GNG12: variants seen among roughly 807,000 people sequenced by gnomAD.
GNG12 encodes G protein subunit gamma 12.
For synonymous variants in GNG12, 28 were observed against 29.7 expected (o/e 0.94, Z 0.19); for missense variants, 69 against 83.8 (o/e 0.82, Z 0.69).
At chr1:67,710,140 A>AGT (rs1646284157) in intron 2 of GNG12, among the ~76,000 whole-genome samples, 2 of 6,032 alleles carry the variant, frequency 3.3e-4, no homozygotes, top group African/African-American at 5.8e-4. Context: ...ATATATAGTT[A>AGT]TATATATATA....
intron 2 of GNG12, among the ~76,000 whole-genome samples, chr1:67,717,041 T>C (rs1646329404): frequency 6.6e-6 from 1 of 152,054 alleles, no homozygotes; most frequent in Non-Finnish European, 1.5e-5. Flanking sequence ...CTGGGGCACT[T>C]GTTTAAGAAA....
At chr1:67,729,280 C>A (rs141762977) in intron 2 of GNG12, among the ~76,000 whole-genome samples, 140 of 152,308 alleles carry the variant, frequency 9.2e-4, no homozygotes, top group African/African-American at 3.2e-3. Context: ...TCCTGGGGAC[C>A]TGTCTGTGAG....
chr1:67,750,293 G>A (rs1646531127), intron 2 of GNG12, among the ~76,000 whole-genome samples: 1 of 152,158 alleles, frequency 6.6e-6, no homozygotes, highest in South Asian at 2.1e-4. Flanking sequence ...AACGAACAGG[G>A]AACATGTTCT....
At chr1:67,798,558 C>A (rs765462582) in intron 1 of GNG12, among the ~76,000 whole-genome samples, 1 of 152,114 alleles carries the variant, frequency 6.6e-6, no homozygotes, top group Admixed American at 6.5e-5. Context: ...TCTGCCACCC[C>A]GAGACAGCGA....
At chr1:67,763,573 C>T (rs1279869056) in intron 2 of GNG12, among the ~76,000 whole-genome samples, 1 of 151,588 alleles carries the variant, frequency 6.6e-6, no homozygotes, top group African/African-American at 2.4e-5. Flanking sequence ...CACTCTGTCA[C>T]CCAAGTTAGA....
intron 3 of GNG12, among the ~76,000 whole-genome samples, chr1:67,707,259 A>G (rs995037306): frequency 6.6e-6 from 1 of 152,228 alleles, no homozygotes; most frequent in African/African-American, 2.4e-5. Context: ...TTCCAAAGGA[A>G]TGACTAGGGT....
chr1:67,717,513 CAAA>C (rs1205936941), intron 2 of GNG12, among the ~76,000 whole-genome samples: 5 of 104,198 alleles, frequency 4.8e-5, no homozygotes, highest in Admixed American at 1.0e-4. Context: ...GAGACTCTGT[CAAA>C]AAAAAAAAAA....
At chr1:67,729,088 C>T (rs1014953966) in intron 2 of GNG12, among the ~76,000 whole-genome samples, 6 of 151,904 alleles carry the variant, frequency 3.9e-5, no homozygotes, top group Admixed American at 6.5e-5. Flanking sequence ...CCCTTGGGCA[C>T]GTTCTTCACA....
At chr1:67,761,676 C>T (rs7534808) in intron 2 of GNG12, among the ~76,000 whole-genome samples, 2,456 of 152,198 alleles carry the variant, frequency 0.016, 79 homozygotes, top group African/African-American at 0.056. Context: ...AACACATTTC[C>T]AACAGTTCAG....
At chr1:67,785,876 T>G (rs1264306228) in intron 1 of GNG12, among the ~76,000 whole-genome samples, 3 of 152,200 alleles carry the variant, frequency 2.0e-5, no homozygotes, top group Admixed American at 6.5e-5. Context: ...ATATCTGTGA[T>G]GCTTTTATTT....
intron 2 of GNG12, among the ~76,000 whole-genome samples, chr1:67,736,480 T>C (rs1646453195): frequency 6.6e-6 from 1 of 152,172 alleles, no homozygotes; most frequent in Non-Finnish European, 1.5e-5. Context: ...CTTCCTGTTG[T>C]GCAGCTATGT....
chr1:67,715,700 C>T (rs908251141), intron 2 of GNG12, among the ~76,000 whole-genome samples: 2 of 152,138 alleles, frequency 1.3e-5, no homozygotes, highest in African/African-American at 2.4e-5. Flanking sequence ...TGGGCCTGCT[C>T]CTCCAGCCCC....
Position 67,704,725 on chromosome 1 carries a change from T to C in GNG12, c.*726A>G, listed in dbSNP as rs1646236232. On this transcript the variant is annotated 3_prime_UTR_variant, in exon 4 of 4. Transcript: ENST00000370982. ...TCATATTATCGAAGGACTGTCAGTTTAGTTTGGTACAGTTTATTGTAGCCT... is the reference window on the plus strand; with the variant it reads ...TCATATTATCGAAGGACTGTCAGTTCAGTTTGGTACAGTTTATTGTAGCCT... 6.6e-6 allele frequency: 1 copy of C among 152,666 alleles called. No individual in the cohort carries two copies. The highest frequency in any genetic ancestry group is 2.4e-5 in the African/African-American group (1 of 41,458). 9.5% of individuals were successfully genotyped at this position (152,666 alleles called of 1,614,324 possible).
chr1:67,720,012 G>C (rs769078766), intron 2 of GNG12, among the ~76,000 whole-genome samples: 10 of 152,330 alleles, frequency 6.6e-5, no homozygotes, highest in Non-Finnish European at 1.3e-4. Flanking sequence ...TGTTTTCTTA[G>C]AAACAGGATA....
At chr1:67,735,424 G>C (rs1646447539) in intron 2 of GNG12, among the ~76,000 whole-genome samples, 1 of 152,214 alleles carries the variant, frequency 6.6e-6, no homozygotes, top group African/African-American at 2.4e-5. Flanking sequence ...CTGGCAAAGG[G>C]AGTTATTAGG....
chr1:67,780,915 T>C (rs1002339073), intron 1 of GNG12, among the ~76,000 whole-genome samples: 9 of 152,204 alleles, frequency 5.9e-5, no homozygotes, highest in Admixed American at 1.3e-4. Context: ...AAAAGACACA[T>C]GCTGAAAAAT....
rs2100667596 is a variant in GNG12 at position 67,707,627 on chromosome 1, C to A, written c.60G>T (p.Gln20His). Residue 20 changes from glutamine to histidine, a missense_variant, in exon 3 of 4, where the codon CAG becomes CAT. Transcript: ENST00000370982. ...TTTCAATGGAGGCTTCTAATCTTAA[C>A]TGCTGCACAGTTCTCCTTGCCTGGG... ...NIAQARRTVQQLRLEASIERI... is the reference protein window; with the variant it reads ...NIAQARRTVQHLRLEASIERI... 1 of 1,605,124 alleles carries A rather than the reference C, an allele frequency of 6.2e-7. No individual in the cohort carries two copies. The highest frequency in any genetic ancestry group is 8.5e-7 in the Non-Finnish European group (1 of 1,174,320).
At chr1:67,815,517 C>T (rs1646948793) in intron 1 of GNG12, among the ~76,000 whole-genome samples, 1 of 152,178 alleles carries the variant, frequency 6.6e-6, no homozygotes, top group Non-Finnish European at 1.5e-5. Context: ...GTACCTGTGG[C>T]CCTCATCCCC....
chr1:67,728,834 T>G (rs1291088901), intron 2 of GNG12, among the ~76,000 whole-genome samples: 1 of 152,192 alleles, frequency 6.6e-6, no homozygotes, highest in Non-Finnish European at 1.5e-5. Flanking sequence ...AACCCCTCCT[T>G]TAGCCAGAAT....
Sources: gnomAD v4.1 joint callset for allele counts (sites outside exome capture counted in the v4.1 genomes callset) on GRCh38, gnomAD v4.1.1 for gene constraint, MANE v1.5 for transcripts, NCBI Gene and HGNC (gene_info 2026-07-23, HGNC 2026-07-21) for gene names.